PDCD6IP: variants seen among roughly 807,000 people sequenced by gnomAD.
The protein encoded by PDCD6IP is programmed cell death 6 interacting protein, also known as programmed cell death 6-interacting protein.
A neutral mutation model predicts 103.7 loss-of-function variants in PDCD6IP; 43 were observed. The ratio of observed to expected loss-of-function variants is 0.41; its 90% confidence interval spans 0.32 to 0.53. The LOEUF (loss-of-function observed/expected upper bound fraction) is 0.53, where lower values mean the gene tolerates loss of function less well. PDCD6IP is among the 20% of genes least tolerant of loss of function. PDCD6IP has a pLI of 0.16. For synonymous variants in PDCD6IP, 354 were observed against 378.7 expected, an observed-to-expected ratio of 0.93 and a Z score of 0.76; for missense variants, 871 against 1,036.7, an observed-to-expected ratio of 0.84 and a Z score of 2.20.
chr3:33,839,795 T>G (rs1180707502), intron 9 of PDCD6IP, among the ~76,000 whole-genome samples: 1 of 152,210 alleles, frequency 6.6e-6, no homozygotes, highest in Non-Finnish European at 1.5e-5. Context: ...TTTAGCTACT[T>G]TAGTGTGTGT....
Position 33,841,496 on chromosome 3 carries a change from T to C in PDCD6IP, c.1182-401T>C, listed in dbSNP as rs1230385369. Among the ~76,000 whole-genome samples the C allele has an allele frequency of 6.0e-5, 8 of 132,782 alleles. No individual in the cohort carries two copies. In the East Asian group the frequency reaches 1.9e-3, roughly 32 times the overall value. 87.1% of individuals were successfully genotyped at this position (132,782 alleles called of 152,430 possible). A position where few individuals can be genotyped will look rare whatever the true frequency, so the allele number is the denominator to read the frequency against. On this transcript the variant is annotated intron_variant, in intron 9 of 17. Coordinates refer to ENST00000307296, the MANE Select transcript of PDCD6IP (RefSeq NM_013374.6). ...CTGTGTTGCCCAGGCTGGAGTGCGG[T>C]GGCGCGATCTCGGCTCACTGCAAGC...
At chr3:33,800,485 C>A (rs971336780) in intron 1 of PDCD6IP, among the ~76,000 whole-genome samples, 2 of 152,102 alleles carry the variant, frequency 1.3e-5, no homozygotes, top group Non-Finnish European at 2.9e-5. Context: ...TGAGTCCGGA[C>A]TGGGGAAGGG....
intron 6 of PDCD6IP, chr3:33,827,159 T>G (rs961199996): frequency 1.6e-5 from 16 of 984,652 alleles, no homozygotes; most frequent in Non-Finnish European, 1.8e-5. Flanking sequence ...ATGTAAACCT[T>G]TCTGAAGTGA....
rs182561313 is a variant in PDCD6IP at position 33,850,429 on chromosome 3, C to T, written c.1642-2059C>T. The stretch of plus-strand genomic sequence containing the variant: ...CATACAGAGAAGCCTCATTCCTTTT[C>T]CCTCTACTTCTTTCCTGTATACTTG... On this transcript the variant is annotated intron_variant, in intron 12 of 17. Transcript: ENST00000307296. Among the ~76,000 whole-genome samples, 1,259 of 152,110 alleles carry T rather than the reference C, an allele frequency of 8.3e-3. 8 individuals are homozygous for T. The highest frequency in any genetic ancestry group is 0.012 in the Admixed American group (188 of 15,288).
chr3:33,807,798 A>G (rs1186997128), intron 1 of PDCD6IP, among the ~76,000 whole-genome samples: 2 of 152,208 alleles, frequency 1.3e-5, no homozygotes, highest in South Asian at 4.1e-4. Flanking sequence ...CTTGTTATAT[A>G]AGTAGTTACA....
intron 9 of PDCD6IP, among the ~76,000 whole-genome samples, 172 bp downstream of exon 9, chr3:33,838,499 A>T (rs756429627): frequency 2.4e-4 from 37 of 152,216 alleles, no homozygotes; most frequent in Non-Finnish European, 4.4e-4. Flanking sequence ...AGCTCTAGCA[A>T]ATATAGTTGG....
chr3:33,821,319 C>T (rs967893864), intron 3 of PDCD6IP, among the ~76,000 whole-genome samples: 6 of 151,994 alleles, frequency 3.9e-5, no homozygotes, highest in South Asian at 2.1e-4. Context: ...CACGAGTTTG[C>T]GTTCCTGCCA....
intron 12 of PDCD6IP, among the ~76,000 whole-genome samples, chr3:33,847,834 T>C (rs1180625842): frequency 6.6e-6 from 1 of 152,138 alleles, no homozygotes; most frequent in Non-Finnish European, 1.5e-5. Context: ...TGAAGTCCAG[T>C]CTATGGTTGG....
Position 33,860,354 on chromosome 3 carries a change from G to A in PDCD6IP, c.2121-3652G>A, listed in dbSNP as rs79803532. 7.0e-3 allele frequency among the ~76,000 whole-genome samples: 1,065 copies of A among 152,222 alleles called. 12 individuals carry two copies. Among genetic ancestry groups the A allele is most frequent in the South Asian group, 0.031 (147 of 4,818 alleles). On this transcript the variant is annotated intron_variant, in intron 15 of 17. Transcript: ENST00000307296. ...TCTGAGAGTTTATTTTGTTAAAGTCGTTGTTAATACTGAAGGCCAAAATCC... is the reference window on the plus strand; with the variant it reads ...TCTGAGAGTTTATTTTGTTAAAGTCATTGTTAATACTGAAGGCCAAAATCC...
At chr3:33,853,146 A>T (rs1214934639) in intron 13 of PDCD6IP, among the ~76,000 whole-genome samples, 1 of 152,084 alleles carries the variant, frequency 6.6e-6, no homozygotes. Context: ...GATGGTCTCG[A>T]TCTCCTGACC....
intron 4 of PDCD6IP, among the ~76,000 whole-genome samples, chr3:33,822,725 G>C (rs1023835218): frequency 6.6e-6 from 1 of 151,962 alleles, no homozygotes; most frequent in East Asian, 1.9e-4. Flanking sequence ...GCACAATCTC[G>C]GCTCACTGCA....
At chr3:33,852,922 C>CT (rs1349679229) in intron 13 of PDCD6IP, among the ~76,000 whole-genome samples, 186 bp downstream of exon 13, 1 of 134,642 alleles carries the variant, frequency 7.4e-6, no homozygotes. Context: ...AACAAAGTCA[C>CT]TTCTTTTTTT....
chr3:33,843,877 CTTTT>C (rs553570346), intron 10 of PDCD6IP, among the ~76,000 whole-genome samples: 3 of 140,808 alleles, frequency 2.1e-5, no homozygotes, highest in Non-Finnish European at 3.1e-5. Flanking sequence ...TTTATTCCTC[CTTTT>C]TTTTTTTTTT....
Position 33,803,865 on chromosome 3 carries a change from T to C in PDCD6IP, c.209+4928T>C, listed in dbSNP as rs145276077. 3.3e-3 allele frequency among the ~76,000 whole-genome samples: 501 copies of C among 152,316 alleles called. 2 individuals are homozygous for C. The highest frequency in any genetic ancestry group is 0.011 in the African/African-American group (469 of 41,564). On this transcript the variant is annotated intron_variant, in intron 1 of 17. Coordinates refer to ENST00000307296, the MANE Select transcript of PDCD6IP (RefSeq NM_013374.6). ...ATTGGTTAGTTTTCCATCTTTTTGG[T>C]TTTTCTAATATATTTTAGGACTGTG...
intron 1 of PDCD6IP, among the ~76,000 whole-genome samples, chr3:33,800,228 T>G (rs979853312): frequency 6.6e-6 from 1 of 151,792 alleles, no homozygotes; most frequent in Non-Finnish European, 1.5e-5. Context: ...CTTGCCTCCG[T>G]GATGCTTCCC....
chr3:33,810,488 A>T lies in PDCD6IP; in HGVS notation c.210-1584A>T, dbSNP rs532347440. On this transcript the variant is annotated intron_variant, in intron 1 of 17. Coordinates refer to ENST00000307296, the MANE Select transcript of PDCD6IP (RefSeq NM_013374.6). Reference sequence around the variant, plus strand: ...TGAGTCAGCCATTTCTCTAAGGAGCACTTGGCTCATTTTAATGCAAAAGAT... The same window carrying T: ...TGAGTCAGCCATTTCTCTAAGGAGCTCTTGGCTCATTTTAATGCAAAAGAT... Among the ~76,000 whole-genome samples the T allele has an allele frequency of 3.3e-5, 5 of 152,314 alleles. No individual in the cohort carries two copies. The South Asian group carries it at 1.0e-3, about 32-fold the overall frequency.
chr3:33,820,345 A>G (rs188417069), intron 3 of PDCD6IP, among the ~76,000 whole-genome samples: 4 of 152,236 alleles, frequency 2.6e-5, no homozygotes, highest in Admixed American at 2.6e-4. Context: ...GGCAACTAGC[A>G]TTCTTTCAGT....
chr3:33,852,238 G>T (rs1423530657), intron 12 of PDCD6IP, among the ~76,000 whole-genome samples: 1 of 152,114 alleles, frequency 6.6e-6, no homozygotes, highest in Non-Finnish European at 1.5e-5. Flanking sequence ...TTTTAGCATG[G>T]TGCCTAACAC....
Position 33,866,401 on chromosome 3 carries a change from A to G in PDCD6IP, c.2483A>G (p.Gln828Arg). 1 of 1,609,236 alleles carries G rather than the reference A, an allele frequency of 6.2e-7. No individual in the cohort carries two copies. Among genetic ancestry groups the G allele is most frequent in the Non-Finnish European group, 8.5e-7 (1 of 1,177,844 alleles). The stretch of plus-strand genomic sequence containing the variant: ...GGCTATAATCCTTATGCGTATGGCC[A>G]GTATAATATGCCATATCCACCAGTG... ...PMGYNPYAYGQYNMPYPPVYH... is the reference protein window; with the variant it reads ...PMGYNPYAYGRYNMPYPPVYH... The change falls in exon 18 of 18, where the codon CAG becomes CGG. Residue 828 changes from glutamine (Q) to arginine (R), a missense_variant. Gln to Arg is a conservative substitution (Grantham distance 43). This residue lies in a region of PDCD6IP where 202 missense variants were observed against 205.2 expected (regional missense o/e 0.98). Transcript: ENST00000307296.
Sources: gnomAD v4.1 joint callset for allele counts (sites outside exome capture counted in the v4.1 genomes callset) on GRCh38, gnomAD v4.1.1 for gene constraint, gnomAD v4.1.1 regional missense constraint, MANE v1.5 for transcripts, NCBI Gene and HGNC (gene_info 2026-07-23, HGNC 2026-07-21) for gene names.